WDR70: variants seen among roughly 807,000 people sequenced by gnomAD.
The protein encoded by WDR70 is WD repeat-containing protein 70.
Under a neutral mutation model 88.6 loss-of-function variants are expected in WDR70, and 53 were observed. That is an observed-to-expected ratio of 0.60 (90% CI 0.48 to 0.75). The LOEUF is 0.75. Among genes scored for constraint, WDR70 ranks in the 30% least tolerant of loss-of-function variants. The pLI is 0.00. For missense variants in WDR70, 610 were observed against 823.2 expected, an observed-to-expected ratio of 0.74 and a Z score of 3.17; for synonymous variants, 280 against 270.0, an observed-to-expected ratio of 1.04 and a Z score of -0.36.
At chr5:37,409,305 A>G (rs1306698581) in intron 5 of WDR70, among the ~76,000 whole-genome samples, 1 of 152,108 alleles carries the variant, frequency 6.6e-6, no homozygotes, top group African/African-American at 2.4e-5. Context: ...CTCTTCGGAA[A>G]TGAGATGTAA....
At chr5:37,415,187 TAC>T (rs1749662042) in intron 5 of WDR70, among the ~76,000 whole-genome samples, 1 of 151,870 alleles carries the variant, frequency 6.6e-6, no homozygotes, top group South Asian at 2.1e-4. Context: ...TACTTCTTTC[TAC>T]ACAGACACAG....
At chr5:37,590,124 A>G (rs914347168) in intron 9 of WDR70, among the ~76,000 whole-genome samples, 1 of 152,144 alleles carries the variant, frequency 6.6e-6, no homozygotes, top group Non-Finnish European at 1.5e-5. Context: ...CTTTTCTAGG[A>G]ATTTAATGGA....
intron 9 of WDR70, among the ~76,000 whole-genome samples, chr5:37,526,414 C>T (rs1343785187): frequency 1.3e-5 from 2 of 152,124 alleles, no homozygotes; most frequent in Non-Finnish European, 2.9e-5. Context: ...CAGAAAAGGC[C>T]TTTGACAAAA....
At chr5:37,661,607 C>T (rs1430618747) in intron 10 of WDR70, among the ~76,000 whole-genome samples, 1 of 152,168 alleles carries the variant, frequency 6.6e-6, no homozygotes, top group African/African-American at 2.4e-5. Flanking sequence ...AGTTTTTAAA[C>T]ATAAGATAGA....
intron 8 of WDR70, among the ~76,000 whole-genome samples, chr5:37,513,144 A>C (rs1442791661): frequency 6.6e-6 from 1 of 152,182 alleles, no homozygotes; most frequent in Non-Finnish European, 1.5e-5. Context: ...TAAAATGTTA[A>C]CACTGTTCCA....
chr5:37,725,110 A>G (rs1747934778), intron 16 of WDR70, 60 bp downstream of exon 16: 1 of 1,464,568 alleles, frequency 6.8e-7, no homozygotes, highest in Middle Eastern at 2.1e-4. Context: ...GGGGTAATTG[A>G]TATAAAATTG....
At chr5:37,569,237 G>C (rs1236085212) in intron 9 of WDR70, among the ~76,000 whole-genome samples, 1 of 152,126 alleles carries the variant, frequency 6.6e-6, no homozygotes, top group Non-Finnish European at 1.5e-5. Context: ...ACTAGGTTTG[G>C]GGTAGTTTAT....
At chr5:37,481,788 G>A (rs993420829) in intron 8 of WDR70, among the ~76,000 whole-genome samples, 1 of 152,106 alleles carries the variant, frequency 6.6e-6, no homozygotes, top group Non-Finnish European at 1.5e-5. Context: ...TGCATCATCA[G>A]GCTACAGATT....
At chr5:37,506,656 C>G (rs1247523898) in intron 8 of WDR70, 4 of 781,124 alleles carry the variant, frequency 5.1e-6, no homozygotes, top group Non-Finnish European at 9.5e-6. Context: ...ATAAATGGCT[C>G]TCCCTCACAC....
chr5:37,636,894 C>A (rs2112534473), intron 10 of WDR70, among the ~76,000 whole-genome samples: 1 of 152,170 alleles, frequency 6.6e-6, no homozygotes. Flanking sequence ...GGAATGAGGT[C>A]TGTAGATTAG....
At chr5:37,573,509 T>G (rs1004051500) in intron 9 of WDR70, among the ~76,000 whole-genome samples, 1 of 151,162 alleles carries the variant, frequency 6.6e-6, no homozygotes, top group African/African-American at 2.4e-5. Flanking sequence ...TAGGTATATC[T>G]CCTAATGCTA....
chr5:37,711,589 G>A (rs1261103829), intron 13 of WDR70, among the ~76,000 whole-genome samples: 3 of 152,082 alleles, frequency 2.0e-5, no homozygotes, highest in Non-Finnish European at 4.4e-5. Context: ...TTTGTCTGAG[G>A]GAACCAAACT....
intron 9 of WDR70, among the ~76,000 whole-genome samples, chr5:37,559,846 A>T (rs908139318): frequency 5.3e-5 from 7 of 131,170 alleles, no homozygotes; most frequent in African/African-American, 1.5e-4. Flanking sequence ...ATTCAGTATA[A>T]AAAAAAAAAA....
chr5:37,708,242 A>G (rs1194350251), intron 13 of WDR70, among the ~76,000 whole-genome samples: 7 of 151,282 alleles, frequency 4.6e-5, no homozygotes, highest in Non-Finnish European at 1.5e-5. Flanking sequence ...AAAAAAGAAA[A>G]CTGAAAATAT....
intron 7 of WDR70, among the ~76,000 whole-genome samples, chr5:37,448,258 T>G (rs1738561653): frequency 6.6e-6 from 1 of 152,196 alleles, no homozygotes. Context: ...CATGACCTTA[T>G]TAGTCTTTAA....
chr5:37,696,001 C>T (rs905661985), intron 10 of WDR70, among the ~76,000 whole-genome samples: 1 of 152,138 alleles, frequency 6.6e-6, no homozygotes, highest in African/African-American at 2.4e-5. Flanking sequence ...CCCTCATTGT[C>T]AAGTTTGGGT....
chr5:37,700,505 A>C (rs375776571), intron 11 of WDR70: 4 of 152,546 alleles, frequency 2.6e-5, no homozygotes, highest in South Asian at 2.1e-4. Flanking sequence ...TCCCCAGCAA[A>C]GTGAAGAATG....
intron 13 of WDR70, among the ~76,000 whole-genome samples, chr5:37,715,943 T>C (rs1747643463): frequency 6.6e-6 from 1 of 151,930 alleles, no homozygotes; most frequent in South Asian, 2.1e-4. Flanking sequence ...CACACACCCA[T>C]TCAAATGTGT....
At chr5:37,740,823 A>G (rs1407537223) in intron 17 of WDR70, among the ~76,000 whole-genome samples, 1 of 152,216 alleles carries the variant, frequency 6.6e-6, no homozygotes, top group African/African-American at 2.4e-5. Flanking sequence ...TTCTTACTCC[A>G]CAGACTTGTT....
Sources: gnomAD v4.1 joint callset for allele counts (sites outside exome capture counted in the v4.1 genomes callset) on GRCh38, gnomAD v4.1.1 for gene constraint, MANE v1.5 for transcripts, NCBI Gene and HGNC (gene_info 2026-07-23, HGNC 2026-07-21) for gene names.